LIMK2: variants seen among roughly 807,000 people sequenced by gnomAD.
The protein encoded by LIMK2 is LIM domain kinase 2.
In LIMK2, 35 loss-of-function variants were observed where a neutral mutation model predicts 75.7. That is an observed-to-expected ratio of 0.46 (90% CI 0.35 to 0.61). The LOEUF (loss-of-function observed/expected upper bound fraction) is 0.61, where lower values mean the gene tolerates loss of function less well. LIMK2 is among the 20% of genes least tolerant of loss of function. LIMK2 has a pLI of 0.00. For missense variants in LIMK2, 623 were observed against 831.0 expected (o/e 0.75, Z 3.08); for synonymous variants, 301 against 319.2 (o/e 0.94, Z 0.61).
chr22:31,236,347 C>T (rs1568987308), intron 2 of LIMK2, among the ~76,000 whole-genome samples: 1 of 149,498 alleles, frequency 6.7e-6, no homozygotes, highest in African/African-American at 2.5e-5. Flanking sequence ...AGGGCTTACA[C>T]TTATAATATC....
intron 2 of LIMK2, among the ~76,000 whole-genome samples, chr22:31,233,669 T>A (rs1218780755): frequency 6.6e-6 from 1 of 152,148 alleles, no homozygotes; most frequent in African/African-American, 2.4e-5. Flanking sequence ...CACTTCAGAC[T>A]CTCTTCTCTA....
intron 2 of LIMK2, among the ~76,000 whole-genome samples, chr22:31,236,503 G>A (rs1242301626): frequency 1.4e-5 from 2 of 147,876 alleles, no homozygotes; most frequent in African/African-American, 5.0e-5. Flanking sequence ...CAGCTACTCA[G>A]GAGGCTGAGG....
At chr22:31,236,941 A>G (rs895379377) in intron 2 of LIMK2, among the ~76,000 whole-genome samples, 19 of 145,026 alleles carry the variant, frequency 1.3e-4, no homozygotes, top group African/African-American at 4.0e-4. Flanking sequence ...CATAAAATAA[A>G]ATAAAATAAA....
rs758523029 is a variant in LIMK2 at position 31,273,432 on chromosome 22, G to C, written c.1559-20G>C. ...GTAAGGGATGTAAACTTAACAGTGT[G>C]CTCTCCTGTGTTCCCCAAGGAAAGA... On this transcript the variant is annotated intron_variant, in intron 13 of 15. Coordinates refer to ENST00000331728, the MANE Select transcript of LIMK2 (RefSeq NM_005569.4). The C allele has an allele frequency of 6.2e-7, 1 of 1,609,558 alleles. No homozygotes were observed. Among genetic ancestry groups the C allele is most frequent in the South Asian group, 1.1e-5 (1 of 90,956 alleles).
intron 2 of LIMK2, among the ~76,000 whole-genome samples, chr22:31,256,013 TTTTG>T (rs2048776371): frequency 7.8e-6 from 1 of 128,160 alleles, no homozygotes; most frequent in African/African-American, 3.1e-5. Flanking sequence ...TTTTTTTTTT[TTTTG>T]AGACGGAATC....
At chr22:31,235,057 T>C (rs2048561380) in intron 2 of LIMK2, among the ~76,000 whole-genome samples, 1 of 152,206 alleles carries the variant, frequency 6.6e-6, no homozygotes, top group African/African-American at 2.4e-5. Context: ...AAAAAGTAGT[T>C]TTAATCTCAC....
chr22:31,264,504 CTA>C (rs1438831985), intron 7 of LIMK2, among the ~76,000 whole-genome samples: 2 of 152,228 alleles, frequency 1.3e-5, no homozygotes, highest in African/African-American at 4.8e-5. Context: ...TTGACCATGA[CTA>C]TTATCGACCG....
At chr22:31,239,101 G>C (rs542400898) in intron 2 of LIMK2, among the ~76,000 whole-genome samples, 8 of 152,332 alleles carry the variant, frequency 5.3e-5, no homozygotes, top group African/African-American at 1.9e-4. Flanking sequence ...CCAGGACAAA[G>C]GCATACTCTG....
At chr22:31,238,436 A>T (rs1334996388) in intron 2 of LIMK2, among the ~76,000 whole-genome samples, 1 of 152,124 alleles carries the variant, frequency 6.6e-6, no homozygotes, top group Non-Finnish European at 1.5e-5. Flanking sequence ...TGTATAGGGG[A>T]TATGAGTGTT....
rs778824213 is a variant in LIMK2, at chr22:31,248,683, G to A, written c.117-9608G>A. On this transcript the variant is annotated intron_variant, in intron 2 of 15. Coordinates refer to ENST00000331728, the MANE Select transcript of LIMK2 (RefSeq NM_005569.4). ...GCCTGAGGCAGTCACAGACGGATTT[G>A]CAGCTGAGCCTGTCTATCTGGTGTG... The A allele has an allele frequency of 3.1e-6, 5 of 1,614,002 alleles. No individual in the cohort carries two copies. The African/African-American group carries it at 6.7e-5, about 22-fold the overall frequency.
At chr22:31,260,154 A>C in intron 5 of LIMK2, 77 bp downstream of exon 5, 1 of 1,214,986 alleles carries the variant, frequency 8.2e-7, no homozygotes, top group Non-Finnish European at 1.1e-6. Flanking sequence ...TTAGACCTCC[A>C]AAGTCTCATG....
chr22:31,244,188 G>A (rs544190222), intron 2 of LIMK2, among the ~76,000 whole-genome samples: 6 of 152,300 alleles, frequency 3.9e-5, no homozygotes, highest in Admixed American at 6.5e-5. Context: ...TGAGCCCGTC[G>A]CCGCTGGAAC....
chr22:31,212,388 C>G lies in LIMK2; in HGVS notation c.-21C>G, dbSNP rs759122105. On this transcript the variant is annotated 5_prime_UTR_variant, in exon 1 of 16. Transcript: ENST00000331728. The stretch of plus-strand genomic sequence containing the variant: ...GCTGTGTCCCCCGCCTCCTCCTCCC[C>G]ATTTCCGCGCTCCCGGGACCATGTC... 3.7e-6 allele frequency: 5 copies of G among 1,339,248 alleles called. No individual in the cohort carries two copies. The Admixed American group carries it at 1.5e-4, about 39-fold the overall frequency. 83.0% of individuals were successfully genotyped at this position (1,339,248 alleles called of 1,614,324 possible).
chr22:31,260,916 G>C (rs2048831708), intron 5 of LIMK2, among the ~76,000 whole-genome samples: 1 of 152,224 alleles, frequency 6.6e-6, no homozygotes, highest in African/African-American at 2.4e-5. Flanking sequence ...GATCCATTGA[G>C]AGTTTAAGCA....
At chr22:31,267,719 G>T (rs373302570) in intron 9 of LIMK2, 57 bp from the exon 10 acceptor site, 10 of 1,545,068 alleles carry the variant, frequency 6.5e-6, no homozygotes, top group Non-Finnish European at 7.0e-6. Context: ...GAGGGAAGAG[G>T]TAAGGAAGAC....
At chr22:31,255,226 C>A (rs1201732069) in intron 2 of LIMK2, among the ~76,000 whole-genome samples, 6 of 152,168 alleles carry the variant, frequency 3.9e-5, no homozygotes, top group Non-Finnish European at 8.8e-5. Flanking sequence ...CAATTTAGCA[C>A]CCAAGAACTT....
intron 2 of LIMK2, among the ~76,000 whole-genome samples, chr22:31,246,183 G>GCGCGCACACACACACACACACACA (rs746599250): frequency 7.4e-6 from 1 of 134,994 alleles, no homozygotes; most frequent in Non-Finnish European, 1.6e-5. Flanking sequence ...ACGCACGCAC[G>GCGCGCACACACACACACACACACA]CACACACACA....
intron 1 of LIMK2, among the ~76,000 whole-genome samples, chr22:31,219,247 G>A (rs1037619721): frequency 1.3e-5 from 2 of 151,132 alleles, no homozygotes; most frequent in African/African-American, 2.4e-5. Context: ...TTTTTTTGGC[G>A]CCTGCCCCAG....
chr22:31,239,732 A>G (rs1370769354), intron 2 of LIMK2, among the ~76,000 whole-genome samples: 1 of 152,202 alleles, frequency 6.6e-6, no homozygotes, highest in Non-Finnish European at 1.5e-5. Context: ...GTGGAGCCGT[A>G]TCTAGTTTGT....
Sources: gnomAD v4.1 joint callset for allele counts (sites outside exome capture counted in the v4.1 genomes callset) on GRCh38, gnomAD v4.1.1 for gene constraint, MANE v1.5 for transcripts, NCBI Gene and HGNC (gene_info 2026-07-23, HGNC 2026-07-21) for gene names.